The following ZDHHC3 variants were observed in gnomAD, a reference collection of about 807,000 sequenced individuals.
ZDHHC3 encodes the protein zDHHC palmitoyltransferase 3.
In ZDHHC3, 9 loss-of-function variants were observed where a neutral mutation model predicts 30.6. The observed-to-expected ratio is 0.29, with a 90% CI of 0.18 to 0.51. ZDHHC3 has a LOEUF of 0.51. Ranked by LOEUF, ZDHHC3 falls within the 20% of genes least tolerant of loss-of-function variation. The pLI is 0.97. For synonymous variants in ZDHHC3, 136 were observed against 140.2 expected, an observed-to-expected ratio of 0.97 and a Z score of 0.21; for missense variants, 246 against 384.2, an observed-to-expected ratio of 0.64 and a Z score of 3.01.
In ZDHHC3 at chr3:44,926,276, G is replaced by A; in HGVS notation, c.*413C>T. On this transcript the variant is annotated 3_prime_UTR_variant, in exon 7 of 7. Coordinates refer to ENST00000424952, the MANE Select transcript of ZDHHC3 (RefSeq NM_001135179.2). ...CGCCACTGCCTCCTGGGCAGTGGGA[G>A]GTCAGGGCCCTCCTGGCTTTCCCAT... is the stretch of plus-strand genomic sequence containing the variant. 1 of 988,650 alleles carries A rather than the reference G, an allele frequency of 1.0e-6. No homozygotes were observed. Among genetic ancestry groups the A allele is most frequent in the Non-Finnish European group, 1.2e-6 (1 of 832,186 alleles). The allele number at this position is 988,650 out of a possible 1,614,324, so 61.2% of individuals were successfully genotyped here. A position where few individuals can be genotyped will look rare whatever the true frequency, so the allele number is the denominator to read the frequency against.
intron 1 of ZDHHC3, among the ~76,000 whole-genome samples, chr3:44,966,119 T>C (rs77552627): frequency 2.5e-3 from 377 of 152,318 alleles, no homozygotes; most frequent in African/African-American, 7.2e-3. Context: ...GGATAATCTA[T>C]ATACTTAAAA....
At chr3:44,968,012 A>G (rs960222337) in intron 1 of ZDHHC3, among the ~76,000 whole-genome samples, 2 of 152,194 alleles carry the variant, frequency 1.3e-5, no homozygotes, top group Non-Finnish European at 2.9e-5. Flanking sequence ...GGAAAAAGTA[A>G]GGCTCAGAGG....
At chr3:44,947,736 C>T (rs1039695132) in intron 2 of ZDHHC3, among the ~76,000 whole-genome samples, 1 of 152,248 alleles carries the variant, frequency 6.6e-6, no homozygotes, top group Non-Finnish European at 1.5e-5. Flanking sequence ...GCAGAGTCTT[C>T]TACTCTATAG....
chr3:44,941,773 A>T (rs1303043700), intron 3 of ZDHHC3, among the ~76,000 whole-genome samples: 1 of 152,124 alleles, frequency 6.6e-6, no homozygotes, highest in Non-Finnish European at 1.5e-5. Context: ...AAAAAAAAAA[A>T]AGTCTATGCA....
intron 1 of ZDHHC3, among the ~76,000 whole-genome samples, chr3:44,969,210 G>C (rs1225205909): frequency 6.6e-6 from 1 of 152,108 alleles, no homozygotes; most frequent in African/African-American, 2.4e-5. Context: ...GTGAGGGTAG[G>C]CTCCAGTTCT....
chr3:44,962,562 T>C (rs777390260), intron 1 of ZDHHC3, among the ~76,000 whole-genome samples: 2 of 140,342 alleles, frequency 1.4e-5, no homozygotes, highest in Non-Finnish European at 3.2e-5. Flanking sequence ...AGGGGTATTA[T>C]AGCTGTTTGT....
chr3:44,933,771 T>C (rs1701703872), intron 4 of ZDHHC3, 117 bp downstream of exon 4: 2 of 922,616 alleles, frequency 2.2e-6, no homozygotes, highest in South Asian at 2.9e-5. Context: ...AAGGCAGAGA[T>C]CTACAGGGCC....
Position 44,918,201 on chromosome 3 carries a change from CAT to C in ZDHHC3, c.*8486_*8487del, listed in dbSNP as rs1700327513. ...GCGTGGTGCTGGGCTGTACAGCTCA[CAT>C]AGACACCCCCAGCTATAGCATAGCA... On this transcript the variant is annotated 3_prime_UTR_variant, in exon 7 of 7. Transcript: ENST00000424952. 5.6e-6 allele frequency: 7 copies of C among 1,254,888 alleles called. No homozygotes were observed. The highest frequency in any genetic ancestry group is 2.7e-5 in the South Asian group (2 of 74,338). The allele number at this position is 1,254,888 out of a possible 1,614,324, so 77.7% of individuals were successfully genotyped here.
chr3:44,973,678 A>G (rs1218654140), intron 1 of ZDHHC3, among the ~76,000 whole-genome samples: 3 of 152,106 alleles, frequency 2.0e-5, no homozygotes, highest in African/African-American at 7.2e-5. Flanking sequence ...GGCTGGTCTC[A>G]AACTCCCAAC....
Position 44,955,057 on chromosome 3 carries a change from T to A in ZDHHC3, c.306+4074A>T, listed in dbSNP as rs144440195. On this transcript the variant is annotated intron_variant, in intron 2 of 6. Transcript: ENST00000424952. ...ATAATGACATTACACAACCTCAGAG[T>A]GGGCAAGGAGAAGGCGTCAGGAGAC... Among the ~76,000 whole-genome samples the A allele has an allele frequency of 7.9e-5, 12 of 152,094 alleles. No homozygotes were observed. The East Asian group carries it at 1.7e-3, about 22-fold the overall frequency.
chr3:44,954,566 AT>A (rs757750750), intron 2 of ZDHHC3, among the ~76,000 whole-genome samples: 13 of 152,156 alleles, frequency 8.5e-5, no homozygotes, highest in Non-Finnish European at 1.6e-4. Context: ...CTCAGAACTT[AT>A]CCCCATCAAG....
chr3:44,974,462 C>A (rs904652659), intron 1 of ZDHHC3, among the ~76,000 whole-genome samples: 6 of 152,198 alleles, frequency 3.9e-5, no homozygotes, highest in African/African-American at 1.4e-4. Context: ...CCTTTCTGAG[C>A]AATCTCTAGC....
intron 1 of ZDHHC3, among the ~76,000 whole-genome samples, chr3:44,960,390 T>C (rs994791939): frequency 6.6e-6 from 1 of 152,260 alleles, no homozygotes; most frequent in African/African-American, 2.4e-5. Context: ...TCACAGGTTA[T>C]GCACATGTAT....
At chr3:44,929,170 C>G in intron 6 of ZDHHC3, 136 bp downstream of exon 6, 1 of 1,199,124 alleles carries the variant, frequency 8.3e-7, no homozygotes, top group East Asian at 2.6e-5. Context: ...TAACTGCAAA[C>G]AAAGAACTGT....
intron 3 of ZDHHC3, among the ~76,000 whole-genome samples, chr3:44,941,412 G>A (rs560939658): frequency 6.6e-6 from 1 of 152,262 alleles, no homozygotes; most frequent in South Asian, 2.1e-4. Flanking sequence ...ATCAGCCTCA[G>A]CAGAACTACT....
At chr3:44,931,379 C>G (rs1025104054) in intron 5 of ZDHHC3, among the ~76,000 whole-genome samples, 1 of 152,178 alleles carries the variant, frequency 6.6e-6, no homozygotes. Context: ...CATCATTCCT[C>G]TGTAGGCTGG....
intron 2 of ZDHHC3, among the ~76,000 whole-genome samples, chr3:44,947,627 G>C (rs1703063612): frequency 6.6e-6 from 1 of 152,180 alleles, no homozygotes; most frequent in Admixed American, 6.5e-5. Context: ...CAATGCTGCA[G>C]CTTCAAAAAA....
At chr3:44,935,345 G>A (rs998870814) in intron 3 of ZDHHC3, among the ~76,000 whole-genome samples, 3 of 152,104 alleles carry the variant, frequency 2.0e-5, no homozygotes, top group Non-Finnish European at 2.9e-5. Context: ...GTGCGATCAC[G>A]ACTCACTGCA....
intron 3 of ZDHHC3, among the ~76,000 whole-genome samples, chr3:44,943,216 C>A (rs938116397): frequency 1.3e-5 from 2 of 152,222 alleles, no homozygotes; most frequent in Admixed American, 6.5e-5. Flanking sequence ...CATCCCCAAA[C>A]TGGAGTTCCT....
Sources: allele counts gnomAD v4.1 joint callset (sites outside exome capture counted in the v4.1 genomes callset), GRCh38; gene constraint gnomAD v4.1.1; transcripts MANE v1.5; gene names NCBI Gene and HGNC (gene_info 2026-07-23, HGNC 2026-07-21).